Variants in USP53 observed in about 807,000 individuals in gnomAD.
The protein encoded by USP53 is ubiquitin carboxyl-terminal hydrolase 53.
Under a neutral mutation model 94.9 loss-of-function variants are expected in USP53, and 71 were observed. The observed-to-expected ratio is 0.75, with a 90% confidence interval of 0.62 to 0.91. The LOEUF (loss-of-function observed/expected upper bound fraction) is 0.91, where lower values mean the gene tolerates loss of function less well. Ranked by LOEUF, USP53 falls within the 40% of genes least tolerant of loss-of-function variation. USP53 has a pLI of 0.00. For synonymous variants in USP53, 375 were observed against 422.7 expected (o/e 0.89, Z 1.39); for missense variants, 1,173 against 1,281.0 (o/e 0.92, Z 1.29).
At chr4:119,284,974 G>A (rs923438401) in intron 17 of USP53, among the ~76,000 whole-genome samples, 2 of 151,834 alleles carry the variant, frequency 1.3e-5, no homozygotes, top group Admixed American at 6.6e-5. Context: ...CATACCTAGA[G>A]GAGAAAATGA....
At position 119,217,313 on chromosome 4, in the gene USP53, C is replaced by T. The variant is rs149788841; in HGVS notation, c.-788-237C>T. ...GCAGATTGAGCCCTAAATTTTTCCT[C>T]CTATATGATGCTACCATATAGGCAT... On this transcript the variant is annotated intron_variant, in intron 2 of 18. Transcript: ENST00000692078. 1.8e-4 allele frequency among the ~76,000 whole-genome samples: 27 copies of T among 152,246 alleles called. No homozygotes were observed. In the East Asian group the frequency reaches 4.4e-3, roughly 25 times the overall value.
chr4:119,232,838 G>T (rs963766400), intron 3 of USP53, among the ~76,000 whole-genome samples: 3 of 152,048 alleles, frequency 2.0e-5, no homozygotes, highest in African/African-American at 7.2e-5. Context: ...ATGATTTGGG[G>T]TTACTTTCTA....
chr4:119,222,223 T>C (rs1293544822), intron 3 of USP53, among the ~76,000 whole-genome samples: 1 of 152,222 alleles, frequency 6.6e-6, no homozygotes, highest in East Asian at 1.9e-4. Flanking sequence ...CATGTGATAT[T>C]GTGATATAAG....
In USP53 at chr4:119,271,485, C is replaced by T. The variant is rs757047731; in HGVS notation, c.1625C>T (p.Pro542Leu). ...ISSSKSQILA[P>L]GEKITGKVKS... is the part of the protein sequence containing the mutation. ...TCAAGTAAATCCCAGATTCTTGCTC[C>T]AGGAGAGAAAATAACTGGCAAAGTT... is the stretch of plus-strand genomic sequence containing the variant. The change falls in exon 16 of 19, where the codon CCA becomes CTA. Residue 542 changes from proline to leucine, a missense_variant. Pro to Leu is a moderately conservative substitution (Grantham distance 98). Coordinates refer to ENST00000692078, the MANE Select transcript of USP53 (RefSeq NM_001371395.1). 1 of 1,613,314 alleles carries T rather than the reference C, an allele frequency of 6.2e-7. No individual in the cohort carries two copies. The highest frequency in any genetic ancestry group is 8.5e-7 in the Non-Finnish European group (1 of 1,179,916).
intron 5 of USP53, among the ~76,000 whole-genome samples, chr4:119,244,753 G>C (rs192931640): frequency 1.3e-5 from 2 of 152,268 alleles, no homozygotes; most frequent in Admixed American, 1.3e-4. Context: ...CAGAAGATAA[G>C]TGGATAATTG....
chr4:119,253,327 T>C (rs1578482559), intron 7 of USP53, among the ~76,000 whole-genome samples: 1 of 152,164 alleles, frequency 6.6e-6, no homozygotes, highest in East Asian at 1.9e-4. Context: ...TGTTAAAGTC[T>C]CCCATTATTA....
At chr4:119,270,131 C>T (rs1449215282) in intron 15 of USP53, among the ~76,000 whole-genome samples, 1 of 150,784 alleles carries the variant, frequency 6.6e-6, no homozygotes, top group Admixed American at 6.6e-5. Flanking sequence ...AGAGTTCACT[C>T]TTGTCCAGCC....
At chr4:119,275,796 C>G (rs1398716243) in intron 17 of USP53, among the ~76,000 whole-genome samples, 1 of 152,178 alleles carries the variant, frequency 6.6e-6, no homozygotes, top group Admixed American at 6.5e-5. Context: ...TGTAGTTCTT[C>G]TTGAAGAGGT....
chr4:119,248,455 A>G (rs534512556), intron 6 of USP53, among the ~76,000 whole-genome samples: 69 of 149,206 alleles, frequency 4.6e-4, no homozygotes, highest in Non-Finnish European at 8.0e-4. Flanking sequence ...TCCGAAATAC[A>G]GGTTGGGTAT....
intron 17 of USP53, among the ~76,000 whole-genome samples, chr4:119,278,498 G>T (rs934993960): frequency 6.8e-6 from 1 of 146,248 alleles, no homozygotes; most frequent in African/African-American, 2.5e-5. Flanking sequence ...TTCCCTTTGA[G>T]AGTAACCCGA....
rs562824630 is a variant in USP53, at chr4:119,271,584, G to C, written c.1724G>C (p.Ser575Thr). Reference sequence around the variant, plus strand: ...AGGGATAGAGGAAACAGCTGTGATAGCAGCAGTAAAAGCCGGAACCGAGGT... The same window carrying C: ...AGGGATAGAGGAAACAGCTGTGATACCAGCAGTAAAAGCCGGAACCGAGGT... ...DSRDRGNSCDSSSKSRNRGWK... is the reference protein window; with the variant it reads ...DSRDRGNSCDTSSKSRNRGWK... Residue 575 changes from serine to threonine, a missense_variant, in exon 16 of 19, where the codon AGC becomes ACC. Ser to Thr is a moderately conservative substitution (Grantham distance 58). Coordinates refer to ENST00000692078, the MANE Select transcript of USP53 (RefSeq NM_001371395.1). 20 of 1,613,654 alleles carry C rather than the reference G, an allele frequency of 1.2e-5. No individual in the cohort carries two copies. The African/African-American group carries it at 2.4e-4, about 19-fold the overall frequency.
At chr4:119,284,716 G>A (rs1753887304) in intron 17 of USP53, among the ~76,000 whole-genome samples, 1 of 151,806 alleles carries the variant, frequency 6.6e-6, no homozygotes, top group African/African-American at 2.4e-5. Flanking sequence ...TGTACTTAAT[G>A]CCACTGAACT....
Position 119,293,068 on chromosome 4 carries a change from A to G in USP53, c.3079A>G (p.Thr1027Ala), listed in dbSNP as rs770675243. Reference protein sequence around the residue: ...FCQPELDSISTCPNETVSLTT... With the variant: ...FCQPELDSISACPNETVSLTT... ...CCAACCAGAACTAGACTCTATTTCT[A>G]CCTGTCCAAATGAGACAGTTTCATT... The change falls in exon 19 of 19, where the codon ACC becomes GCC. Residue 1027 changes from threonine to alanine, a missense_variant. Thr to Ala is a moderately conservative substitution (Grantham distance 58). Coordinates refer to ENST00000692078, the MANE Select transcript of USP53 (RefSeq NM_001371395.1). The G allele has an allele frequency of 1.5e-5, 25 of 1,613,988 alleles. No individual in the cohort carries two copies. Among genetic ancestry groups the G allele is most frequent in the South Asian group, 5.5e-5 (5 of 91,086 alleles).
At position 119,260,509 on chromosome 4, in the gene USP53, T is replaced by G; in HGVS notation, c.678T>G (p.Ser226Arg). 6.2e-7 allele frequency: 1 copy of G among 1,613,456 alleles called. No individual in the cohort carries two copies. The highest frequency in any genetic ancestry group is 2.2e-5 in the East Asian group (1 of 44,856). ...AAAACTTTTATGTTTTTCTGTAGAG[T>G]AACTGTGGCCAAAAAATAAAAATTC... ...NTTDDYRKCPSNCGQKIKIRR... is the reference protein window; with the variant it reads ...NTTDDYRKCPRNCGQKIKIRR... The change falls in exon 11 of 19, where the codon AGT (serine) becomes AGG (arginine). Residue 226 changes from serine (S) to arginine (R), a missense_variant and splice_region_variant. Physicochemically the swap from Ser to Arg is moderately radical, Grantham distance 110 (BLOSUM62 -1). Coordinates refer to ENST00000692078, the MANE Select transcript of USP53 (RefSeq NM_001371395.1).
At chr4:119,261,898 T>C in intron 12 of USP53, 34 bp downstream of exon 12, 1 of 1,408,840 alleles carries the variant, frequency 7.1e-7, no homozygotes, top group Non-Finnish European at 9.4e-7. Context: ...AAATAATTAC[T>C]GTGATTTTTA....
At chr4:119,243,853 T>C (rs1747874451) in intron 5 of USP53, among the ~76,000 whole-genome samples, 1 of 138,098 alleles carries the variant, frequency 7.2e-6, no homozygotes, top group Admixed American at 7.2e-5. Flanking sequence ...GGAAAGTTAT[T>C]TAATACTATA....
chr4:119,217,166 C>T (rs1468852216), intron 2 of USP53, among the ~76,000 whole-genome samples: 3 of 152,130 alleles, frequency 2.0e-5, no homozygotes, highest in African/African-American at 4.8e-5. Context: ...CCATCCTTGT[C>T]AAGAAGCCAT....
At chr4:119,223,774 G>T (rs929496648) in intron 3 of USP53, among the ~76,000 whole-genome samples, 14 of 152,042 alleles carry the variant, frequency 9.2e-5, no homozygotes, top group African/African-American at 3.1e-4. Context: ...CCTAATTTTA[G>T]CTCTACTACT....
intron 3 of USP53, among the ~76,000 whole-genome samples, chr4:119,235,016 G>A (rs1746541792): frequency 6.6e-6 from 1 of 152,222 alleles, no homozygotes; most frequent in African/African-American, 2.4e-5. Context: ...AAGCAGGGCT[G>A]TTATTGTTAT....
Sources: allele counts gnomAD v4.1 joint callset (sites outside exome capture counted in the v4.1 genomes callset), GRCh38; gene constraint gnomAD v4.1.1; transcripts MANE v1.5; gene names NCBI Gene and HGNC (gene_info 2026-07-23, HGNC 2026-07-21).